Variants in WFDC8 observed in about 807,000 individuals in gnomAD.
WFDC8 encodes WAP four-disulfide core domain protein 8.
A neutral mutation model predicts 27.0 loss-of-function variants in WFDC8; 24 were observed. The observed-to-expected ratio is 0.89, with a 90% CI of 0.64 to 1.25. WFDC8 has a LOEUF of 1.25. Among genes scored for constraint, WFDC8 ranks in the 50% most tolerant of loss-of-function variants. The pLI is 0.00. For missense variants in WFDC8, 287 were observed against 295.9 expected (o/e 0.97, Z 0.22); for synonymous variants, 106 against 99.7 (o/e 1.06, Z -0.38).
intron 1 of WFDC8, among the ~76,000 whole-genome samples, chr20:45,567,077 A>G (rs745890784): frequency 1.3e-5 from 2 of 151,968 alleles, no homozygotes; most frequent in Non-Finnish European, 1.5e-5. Context: ...AATCTTTTCT[A>G]TCTACAGTTG....
At chr20:45,578,708 T>C (rs190467991) in intron 1 of WFDC8, among the ~76,000 whole-genome samples, 35 of 152,370 alleles carry the variant, frequency 2.3e-4, no homozygotes, top group African/African-American at 8.2e-4. Context: ...ATGGAATGAA[T>C]AGTTGTGAAT....
chr20:45,577,251 A>G (rs1030457188), intron 1 of WFDC8, among the ~76,000 whole-genome samples: 1 of 151,316 alleles, frequency 6.6e-6, no homozygotes, highest in Non-Finnish European at 1.5e-5. Flanking sequence ...AAGAATTACT[A>G]AAGTGCTGTC....
intron 1 of WFDC8, among the ~76,000 whole-genome samples, chr20:45,564,677 A>C (rs2145570299): frequency 6.9e-6 from 1 of 144,062 alleles, no homozygotes; most frequent in Admixed American, 8.2e-5. Context: ...TCTGTCTCAA[A>C]AAAAAAAAAA....
Position 45,551,786 on chromosome 20 carries a change from T to C in WFDC8, c.*240A>G. On this transcript the variant is annotated 3_prime_UTR_variant, in exon 6 of 6. Transcript: ENST00000289953. ...ATGGATGCCATTGCCTTTATTTTCA[T>C]TATTATTTTGGAGGTTCTACACAAT... 1 of 395,316 alleles carries C rather than the reference T, an allele frequency of 2.5e-6. No individual in the cohort carries two copies. The highest frequency in any genetic ancestry group is 4.5e-6 in the Non-Finnish European group (1 of 223,990). The allele number at this position is 395,316 out of a possible 1,614,324, so 24.5% of individuals were successfully genotyped here. A position where few individuals can be genotyped will look rare whatever the true frequency, so the allele number is the denominator to read the frequency against.
At chr20:45,553,068 C>T in intron 5 of WFDC8, 68 bp downstream of exon 5, 1 of 1,549,146 alleles carries the variant, frequency 6.5e-7, no homozygotes, top group Non-Finnish European at 8.7e-7. Flanking sequence ...ACCCCCCACT[C>T]CATGGAGACA....
At chr20:45,564,800 C>A in intron 1 of WFDC8, among the ~76,000 whole-genome samples, 1 of 151,366 alleles carries the variant, frequency 6.6e-6, no homozygotes, top group Non-Finnish European at 1.5e-5. Context: ...CATGATCATG[C>A]CCCTGCACTT....
At position 45,564,147 on chromosome 20, in the gene WFDC8, G is replaced by C. The variant is rs571322329; in HGVS notation, c.27-1928C>G. Among the ~76,000 whole-genome samples the C allele has an allele frequency of 1.2e-4, 18 of 152,250 alleles. No individual in the cohort carries two copies. In the Middle Eastern group the frequency reaches 0.017, roughly 144 times the overall value. ...GAGACTACAAAACACAGGTCTTATA[G>C]GTAACAAATGAGCATAATTGCAAGA... On this transcript the variant is annotated intron_variant, in intron 1 of 5. Transcript: ENST00000289953.
chr20:45,565,021 A>AAAGAAAGAAAGGAAGGAAGG (rs144470212), intron 1 of WFDC8, among the ~76,000 whole-genome samples: 16 of 146,648 alleles, frequency 1.1e-4, no homozygotes, highest in African/African-American at 4.1e-4. Flanking sequence ...AAAGAGAAAG[A>AAAGAAAGAAAGGAAGGAAGG]AAGGAAGGAA....
chr20:45,576,977 T>G (rs758059717), intron 1 of WFDC8, among the ~76,000 whole-genome samples: 4 of 151,408 alleles, frequency 2.6e-5, no homozygotes, highest in Admixed American at 6.6e-5. Context: ...TACTTGCCAA[T>G]TTGCCTACTT....
chr20:45,553,792 C>T (rs1456550129), intron 4 of WFDC8, among the ~76,000 whole-genome samples: 2 of 152,016 alleles, frequency 1.3e-5, no homozygotes, highest in African/African-American at 2.4e-5. Flanking sequence ...GTGGCAGCTG[C>T]GGAGGTGGTA....
chr20:45,578,158 G>A (rs1001489810), intron 1 of WFDC8, among the ~76,000 whole-genome samples: 1 of 151,330 alleles, frequency 6.6e-6, no homozygotes, highest in African/African-American at 2.4e-5. Flanking sequence ...TCTCTGTCAT[G>A]TGTCTTCAGA....
rs376186702 is a variant in WFDC8, at chr20:45,579,265, G to T, written c.-18C>A. On this transcript the variant is annotated 5_prime_UTR_variant, in exon 1 of 6. Coordinates refer to ENST00000289953, the MANE Select transcript of WFDC8 (RefSeq NM_130896.3). ...GTCCACATCAGGCCTCTTCCCTATG[G>T]AGACAGCTTCCTCACTTTGCTCCAG... The T allele has an allele frequency of 6.3e-5, 102 of 1,613,630 alleles. No homozygotes were observed. The highest frequency in any genetic ancestry group is 8.2e-5 in the Non-Finnish European group (97 of 1,179,920).
chr20:45,568,781 AAAC>A (rs1431534943), intron 1 of WFDC8: 3 of 447,978 alleles, frequency 6.7e-6, no homozygotes, highest in South Asian at 1.7e-5. Flanking sequence ...GATAATTACA[AAAC>A]AACATGTCTT....
chr20:45,553,021 TCA>T, intron 5 of WFDC8, 113 bp downstream of exon 5: 1 of 1,327,552 alleles, frequency 7.5e-7, no homozygotes, highest in Non-Finnish European at 1.0e-6. Context: ...CCAAAGATCC[TCA>T]AAGATGAGCC....
At chr20:45,565,193 A>C (rs1032011856) in intron 1 of WFDC8, among the ~76,000 whole-genome samples, 1 of 152,120 alleles carries the variant, frequency 6.6e-6, no homozygotes, top group Admixed American at 6.5e-5. Context: ...AGAGATTTTG[A>C]TTGAAATCCA....
At position 45,551,796 on chromosome 20, in the gene WFDC8, G is replaced by T; in HGVS notation, c.*230C>A. The T allele has an allele frequency of 7.4e-6, 3 of 405,614 alleles. No individual in the cohort carries two copies. The highest frequency in any genetic ancestry group is 2.1e-5 in the African/African-American group (1 of 48,662). The allele number at this position is 405,614 out of a possible 1,614,324, so 25.1% of individuals were successfully genotyped here. A position where few individuals can be genotyped will look rare whatever the true frequency, so the allele number is the denominator to read the frequency against. On this transcript the variant is annotated 3_prime_UTR_variant, in exon 6 of 6. Transcript: ENST00000289953. ...TTGCCTTTATTTTCATTATTATTTT[G>T]GAGGTTCTACACAATACAAGAAGAC...
At chr20:45,563,129 C>A (rs1977096) in intron 1 of WFDC8, among the ~76,000 whole-genome samples, 58,216 of 151,938 alleles carry the variant, frequency 0.38, 11,621 homozygotes, top group Non-Finnish European at 0.43. Context: ...ATCTCCCCAA[C>A]CTTTTTTGTT....
chr20:45,572,103 C>G (rs1305014933), intron 1 of WFDC8, among the ~76,000 whole-genome samples: 2 of 152,092 alleles, frequency 1.3e-5, no homozygotes, highest in Non-Finnish European at 2.9e-5. Flanking sequence ...CAACAGTGTT[C>G]AAGAATTCCC....
At chr20:45,554,906 C>T (rs373265505) in intron 4 of WFDC8, among the ~76,000 whole-genome samples, 34 of 152,196 alleles carry the variant, frequency 2.2e-4, no homozygotes, top group African/African-American at 8.2e-4. Context: ...TTTCAGCTTG[C>T]CTCACAGAAT....
Sources: gnomAD v4.1 joint callset for allele counts (sites outside exome capture counted in the v4.1 genomes callset) on GRCh38, gnomAD v4.1.1 for gene constraint, MANE v1.5 for transcripts, NCBI Gene and HGNC (gene_info 2026-07-23, HGNC 2026-07-21) for gene names.